Variants in TBC1D24 observed in about 807,000 individuals in gnomAD.
The protein encoded by TBC1D24 is Infantile myoclonic epilepsy.
Under a neutral mutation model 50.7 loss-of-function variants are expected in TBC1D24, and 47 were observed. The ratio of observed to expected loss-of-function variants is 0.93; its 90% CI spans 0.73 to 1.18. The LOEUF (loss-of-function observed/expected upper bound fraction) is 1.18. TBC1D24 is among the 50% of genes most tolerant of loss of function. TBC1D24 has a pLI of 0.00. For missense variants in TBC1D24, 688 were observed against 766.5 expected (o/e 0.90, Z 1.21); for synonymous variants, 324 against 335.2 (o/e 0.97, Z 0.36).
In TBC1D24 at chr16:2,482,145, C is replaced by T. The variant is rs2065614786; in HGVS notation, c.-116+6975C>T. The T allele has an allele frequency of 1.3e-5, 2 of 152,290 alleles. No homozygotes were observed. 9.4% of individuals were successfully genotyped at this position (152,290 alleles called of 1,614,324 possible). On this transcript the variant is annotated intron_variant, in intron 1 of 7. Transcript: ENST00000646147. The surrounding 1 kb of genome is among the most constrained non-coding windows in gnomAD (Gnocchi z 5.2). ...GTAATGCTCCCTGTTGTTATTTGGC[C>T]TTCAAAATTAAATTTGTCTTGGGCC... is the stretch of plus-strand genomic sequence containing the variant.
At chr16:2,480,890 C>A (rs1477432417) in intron 1 of TBC1D24, 4 of 152,246 alleles carry the variant, frequency 2.6e-5, no homozygotes, top group Admixed American at 2.6e-4. Flanking sequence ...CTGTTTTGGG[C>A]CCTTTGGCTT....
In TBC1D24 at chr16:2,501,113, T is replaced by C; in HGVS notation, c.*155T>C. 2.1e-6 allele frequency: 2 copies of C among 961,776 alleles called. No homozygotes were observed. The highest frequency in any genetic ancestry group is 4.9e-5 in the Admixed American group (2 of 41,162). 59.6% of individuals were successfully genotyped at this position (961,776 alleles called of 1,614,324 possible). ...CAAGCCTGGCGTTGCCTGGACCTGCTGCTGCCTCTACCTGGGGTTTGGGCT... is the reference window on the plus strand; with the variant it reads ...CAAGCCTGGCGTTGCCTGGACCTGCCGCTGCCTCTACCTGGGGTTTGGGCT... On this transcript the variant is annotated 3_prime_UTR_variant, in exon 8 of 8. Transcript: ENST00000646147.
intron 1 of TBC1D24, chr16:2,478,166 C>T (rs2065583321): frequency 6.6e-6 from 1 of 152,350 alleles, no homozygotes; most frequent in African/African-American, 2.4e-5. Flanking sequence ...AAGAGCAAGA[C>T]TCAGCCAGGC....
chr16:2,497,795 C>A, intron 3 of TBC1D24, 68 bp downstream of exon 3: 1 of 1,472,938 alleles, frequency 6.8e-7, no homozygotes, highest in Non-Finnish European at 9.2e-7. Context: ...AGGCCAGCTG[C>A]TTGCTCTGGG....
In TBC1D24 at chr16:2,475,208, G is replaced by A. The variant is rs1353499688; in HGVS notation, c.-116+38G>A. 1.3e-5 allele frequency: 2 copies of A among 149,256 alleles called. No individual in the cohort carries two copies. The highest frequency in any genetic ancestry group is 1.8e-4 in the South Asian group (1 of 5,534). The allele number at this position is 149,256 out of a possible 1,614,324, so 9.2% of individuals were successfully genotyped here. ...GGGGCGTGCGGGGGGCGCGCGGCGG[G>A]GTGGCGGGTGGCGGGGCCGGGTCCC... On this transcript the variant is annotated intron_variant, in intron 1 of 7. Transcript: ENST00000646147. The surrounding 1 kb of genome is among the most constrained non-coding windows in gnomAD (Gnocchi z 4.2).
intron 1 of TBC1D24, among the ~76,000 whole-genome samples, chr16:2,490,132 G>A (rs1409404918): frequency 6.6e-6 from 1 of 152,190 alleles, no homozygotes; most frequent in Non-Finnish European, 1.5e-5. Context: ...TAAAGTAGCT[G>A]TCACCCTCCA....
chr16:2,477,159 C>T (rs1181238546), intron 1 of TBC1D24: 1 of 152,266 alleles, frequency 6.6e-6, no homozygotes, highest in Non-Finnish European at 1.5e-5. Flanking sequence ...GCAGCAATTT[C>T]AGTGGCTGTT....
Position 2,501,017 on chromosome 16 carries a change from C to T in TBC1D24, c.*59C>T, listed in dbSNP as rs2065789829. 6.3e-7 allele frequency: 1 copy of T among 1,595,302 alleles called. No homozygotes were observed. The highest frequency in any genetic ancestry group is 1.7e-5 in the Admixed American group (1 of 59,142). Reference sequence around the variant, plus strand: ...GCGGTGGGCCGAGGCTGGGCTGCCGCCTCGGGCAGCAGAGAGCAGATGAAA... The same window carrying T: ...GCGGTGGGCCGAGGCTGGGCTGCCGTCTCGGGCAGCAGAGAGCAGATGAAA... On this transcript the variant is annotated 3_prime_UTR_variant, in exon 8 of 8. Transcript: ENST00000646147.
chr16:2,477,391 AG>A (rs2065577322), intron 1 of TBC1D24: 1 of 152,160 alleles, frequency 6.6e-6, no homozygotes, highest in Non-Finnish European at 1.5e-5. Context: ...TGGGCAACAT[AG>A]GGAGGTCTCG....
In TBC1D24 at chr16:2,487,117, AGCTCG is replaced by A. The variant is rs2065656620; in HGVS notation, c.-115-8916_-115-8912del. Among the ~76,000 whole-genome samples, 1 of 152,112 alleles carries A rather than the reference AGCTCG, an allele frequency of 6.6e-6. No individual in the cohort carries two copies. Among genetic ancestry groups the A allele is most frequent in the African/African-American group, 2.4e-5 (1 of 41,434 alleles). ...CCCCTCAGCACTGCCAGGGCCGCCCAGCTCGCCTTCGCCCACTCTTGCCTCCACAT... is the reference window on the plus strand; with the variant it reads ...CCCCTCAGCACTGCCAGGGCCGCCCACCTTCGCCCACTCTTGCCTCCACAT... On this transcript the variant is annotated intron_variant, in intron 1 of 7. Coordinates refer to ENST00000646147, the MANE Select transcript of TBC1D24 (RefSeq NM_001199107.2). The surrounding 1 kb of genome is among the most constrained non-coding windows in gnomAD (Gnocchi z 4.1).
At chr16:2,495,459 A>G (rs1250658387) in intron 1 of TBC1D24, among the ~76,000 whole-genome samples, 1 of 152,150 alleles carries the variant, frequency 6.6e-6, no homozygotes, top group East Asian at 1.9e-4. Context: ...CAGCCTGGAG[A>G]GCATAGCGAG....
chr16:2,487,225 C>T lies in TBC1D24; in HGVS notation c.-115-8809C>T, dbSNP rs1225195495. Among the ~76,000 whole-genome samples the T allele has an allele frequency of 6.6e-6, 1 of 152,212 alleles. No homozygotes were observed. Among genetic ancestry groups the T allele is most frequent in the Non-Finnish European group, 1.5e-5 (1 of 68,034 alleles). ...CCACAGCAGCAGGCACAGCCCTGCCCGTGGGGTTCCCCTAGCACTTCCCCA... is the reference window on the plus strand; with the variant it reads ...CCACAGCAGCAGGCACAGCCCTGCCTGTGGGGTTCCCCTAGCACTTCCCCA... On this transcript the variant is annotated intron_variant, in intron 1 of 7. Coordinates refer to ENST00000646147, the MANE Select transcript of TBC1D24 (RefSeq NM_001199107.2). This position sits in a 1 kb window ranked among gnomAD's most constrained non-coding sequence, Gnocchi z 4.1.
At chr16:2,492,142 A>G (rs2065700457) in intron 1 of TBC1D24, among the ~76,000 whole-genome samples, 1 of 152,056 alleles carries the variant, frequency 6.6e-6, no homozygotes, top group Non-Finnish European at 1.5e-5. Flanking sequence ...GCTGGCCTGG[A>G]CCTGGTTTTT....
chr16:2,490,776 A>C (rs2065689122), intron 1 of TBC1D24, among the ~76,000 whole-genome samples: 1 of 152,218 alleles, frequency 6.6e-6, no homozygotes, highest in Non-Finnish European at 1.5e-5. Flanking sequence ...CTTTGTGGCC[A>C]GGCCTGTCTA....
At position 2,496,242 on chromosome 16, in the gene TBC1D24, C is replaced by T. The variant is rs1246835125; in HGVS notation, c.94C>T (p.Leu32=). ...GCCCAAGGAGCTGAGCTGCACTGAA[C>T]TGCAGGAACTGAAGCAGCTGGCGCG... ...LGPKELSCTE[L]QELKQLARQG... The change falls in exon 2 of 8, where the codon CTG becomes TTG. Residue 32 remains leucine, a synonymous_variant. Transcript: ENST00000646147. The T allele has an allele frequency of 1.9e-6, 3 of 1,613,930 alleles. No individual in the cohort carries two copies. Among genetic ancestry groups the T allele is most frequent in the Admixed American group, 3.3e-5 (2 of 60,038 alleles).
chr16:2,497,746 C>G lies in TBC1D24; in HGVS notation c.983+19C>G, dbSNP rs2141873600. The G allele has an allele frequency of 1.3e-6, 2 of 1,535,750 alleles. No individual in the cohort carries two copies. The highest frequency in any genetic ancestry group is 3.9e-5 in the Admixed American group (2 of 51,008). On this transcript the variant is annotated intron_variant, in intron 3 of 7. Coordinates refer to ENST00000646147, the MANE Select transcript of TBC1D24 (RefSeq NM_001199107.2). ...CTAAAAGGTAGGTCTGAAACTGTAT[C>G]TGCACACCTGGCCTCTGTCTTTCCA...
At position 2,502,085 on chromosome 16, in the gene TBC1D24, C is replaced by G. The variant is rs931977609; in HGVS notation, c.*1127C>G. On this transcript the variant is annotated 3_prime_UTR_variant, in exon 8 of 8. Coordinates refer to ENST00000646147, the MANE Select transcript of TBC1D24 (RefSeq NM_001199107.2). Reference sequence around the variant, plus strand: ...CACCTTGCATGGATGCATGTCCTCCCTCTGTCCCTCTTGTGGTGCTGTGGC... The same window carrying G: ...CACCTTGCATGGATGCATGTCCTCCGTCTGTCCCTCTTGTGGTGCTGTGGC... 2 of 152,716 alleles carry G rather than the reference C, an allele frequency of 1.3e-5. No individual in the cohort carries two copies. Among genetic ancestry groups the G allele is most frequent in the African/African-American group, 4.8e-5 (2 of 41,484 alleles). 9.5% of individuals were successfully genotyped at this position (152,716 alleles called of 1,614,324 possible). A position where few individuals can be genotyped will look rare whatever the true frequency, so the allele number is the denominator to read the frequency against.
At position 2,496,415 on chromosome 16, in the gene TBC1D24, C is replaced by T; in HGVS notation, c.267C>T (p.Cys89=). 6.2e-7 allele frequency: 1 copy of T among 1,613,036 alleles called. No homozygotes were observed. The highest frequency in any genetic ancestry group is 1.3e-5 in the African/African-American group (1 of 75,064). ...GKIVGKHSSS[C]LPLPEFVDNT... ...TCGTGGGCAAGCACAGCAGCAGCTG[C>T]CTGCCGCTGCCCGAGTTCGTGGACA... The change falls in exon 2 of 8, where the codon TGC becomes TGT. Residue 89 remains cysteine, a synonymous_variant. Coordinates refer to ENST00000646147, the MANE Select transcript of TBC1D24 (RefSeq NM_001199107.2).
In TBC1D24 at chr16:2,497,865, T is replaced by C; in HGVS notation, c.983+138T>C. The C allele has an allele frequency of 3.5e-6, 3 of 862,262 alleles. No homozygotes were observed. In the South Asian group the frequency reaches 4.4e-5, roughly 13 times the overall value. The allele number at this position is 862,262 out of a possible 1,614,324, so 53.4% of individuals were successfully genotyped here. A position where few individuals can be genotyped will look rare whatever the true frequency, so the allele number is the denominator to read the frequency against. ...CGCTGCCTCTGAGCCGGACTGATGC[T>C]CAGGCGCCTTCTGTCTGTCTGTCTG... is the stretch of plus-strand genomic sequence containing the variant. On this transcript the variant is annotated intron_variant, in intron 3 of 7. Transcript: ENST00000646147.
Sources: gnomAD v4.1 joint callset for allele counts (sites outside exome capture counted in the v4.1 genomes callset) on GRCh38, gnomAD v4.1.1 for gene constraint, Gnocchi (gnomAD v3.1) non-coding constraint, MANE v1.5 for transcripts, NCBI Gene and HGNC (gene_info 2026-07-23, HGNC 2026-07-21) for gene names.